FHOD3: variants seen among roughly 807,000 people sequenced by gnomAD.
The protein encoded by FHOD3 is formin homology 2 domain containing 3, also known as FH1/FH2 domain-containing protein 3.
Under a neutral mutation model 173.0 loss-of-function variants are expected in FHOD3, and 90 were observed. The ratio of observed to expected loss-of-function variants is 0.52; its 90% CI spans 0.44 to 0.62. The LOEUF (loss-of-function observed/expected upper bound fraction) is 0.62. Among genes scored for constraint, FHOD3 ranks in the 20% least tolerant of loss-of-function variants. The pLI, the probability that FHOD3 is intolerant of heterozygous loss-of-function variation, is 0.00. For missense variants in FHOD3, 1,945 were observed against 2,034.7 expected (o/e 0.96, Z 0.85); for synonymous variants, 828 against 823.0 (o/e 1.01, Z -0.10).
intron 5 of FHOD3, among the ~76,000 whole-genome samples, chr18:36,550,491 G>C (rs1428276057): frequency 6.6e-6 from 1 of 151,642 alleles, no homozygotes; most frequent in Non-Finnish European, 1.5e-5. Context: ...AAAAAAGCTT[G>C]CTTAGACTTT....
intron 3 of FHOD3, among the ~76,000 whole-genome samples, chr18:36,440,092 G>C (rs373322759): frequency 2.0e-5 from 3 of 152,318 alleles, no homozygotes; most frequent in Admixed American, 1.3e-4. Context: ...TAGGGATCCT[G>C]TTAAAATGTA....
intron 10 of FHOD3, among the ~76,000 whole-genome samples, chr18:36,626,411 C>G (rs1464238643): frequency 1.3e-5 from 2 of 152,086 alleles, no homozygotes; most frequent in Non-Finnish European, 2.9e-5. Context: ...ATTGGCAATC[C>G]TATGAGATAT....
intron 3 of FHOD3, among the ~76,000 whole-genome samples, chr18:36,441,679 C>T (rs1039302870): frequency 5.9e-5 from 9 of 152,186 alleles, no homozygotes; most frequent in Admixed American, 5.9e-4. Context: ...AGGGAAGCTT[C>T]GCACAAACAG....
chr18:36,680,410 G>A (rs1357573824), intron 14 of FHOD3, among the ~76,000 whole-genome samples: 1 of 152,126 alleles, frequency 6.6e-6, no homozygotes, highest in Admixed American at 6.6e-5. Context: ...TAAATAAATT[G>A]GCAAAATATA....
chr18:36,709,361 G>A lies in FHOD3; in HGVS notation c.2503G>A (p.Glu835Lys). Residue 835 changes from glutamate to lysine, a missense_variant, in exon 18 of 29, where the codon GAG becomes AAG. Around this residue, in one of 5 missense-constraint regions of FHOD3, gnomAD observed 1,099 missense variants for 1,051.2 expected, o/e 1.05. Coordinates refer to ENST00000590592, the MANE Select transcript of FHOD3 (RefSeq NM_001281740.3). ...CAGCACGTTGGAGAGGGAGGAGAAGGAGGACAAGCTCTCCAGGGACAGGAC... is the reference window on the plus strand; with the variant it reads ...CAGCACGTTGGAGAGGGAGGAGAAGAAGGACAAGCTCTCCAGGGACAGGAC... The part of the protein sequence containing the change: ...SSSTLEREEK[E>K]DKLSRDRTTG... The A allele has an allele frequency of 6.2e-7, 1 of 1,614,124 alleles. No homozygotes were observed. The highest frequency in any genetic ancestry group is 2.2e-5 in the East Asian group (1 of 44,882).
chr18:36,322,957 C>A (rs954238489), intron 1 of FHOD3, among the ~76,000 whole-genome samples: 1 of 152,236 alleles, frequency 6.6e-6, no homozygotes, highest in Non-Finnish European at 1.5e-5. Context: ...GGGTAACCCT[C>A]ATGGGTGCCC....
chr18:36,309,157 A>G (rs537230719), intron 1 of FHOD3, among the ~76,000 whole-genome samples: 6 of 152,126 alleles, frequency 3.9e-5, no homozygotes, highest in Non-Finnish European at 5.9e-5. Flanking sequence ...ACCAGGCCAG[A>G]CTTAAGGCCT....
chr18:36,448,368 A>G (rs1366710997), intron 3 of FHOD3, among the ~76,000 whole-genome samples: 1 of 152,284 alleles, frequency 6.6e-6, no homozygotes. Flanking sequence ...GGGACTTTGC[A>G]TTGTATTTTT....
chr18:36,652,671 C>T lies in FHOD3; in HGVS notation c.1388C>T (p.Pro463Leu), dbSNP rs761490260. The T allele has an allele frequency of 5.6e-5, 86 of 1,535,738 alleles. No individual in the cohort carries two copies. The South Asian group carries it at 7.1e-4, about 13-fold the overall frequency. ...AVSNASSQGK[P>L]LLVGTAGGTT... ...TCGAATGCCAGCTCGCAGGGAAAGC[C>T]GCTTCTGGTTGGCACTGCAGGCGGG... The change falls in exon 12 of 29, where the codon CCG (proline) becomes CTG (leucine). Residue 463 changes from proline (P) to leucine (L), a missense_variant. This residue lies in a region of FHOD3 where 1,099 missense variants were observed against 1,051.2 expected (regional missense o/e 1.05). Coordinates refer to ENST00000590592, the MANE Select transcript of FHOD3 (RefSeq NM_001281740.3).
chr18:36,602,063 C>G (rs1378297103), intron 7 of FHOD3, among the ~76,000 whole-genome samples: 2 of 152,222 alleles, frequency 1.3e-5, no homozygotes, highest in East Asian at 1.9e-4. Flanking sequence ...AGCCATTGCT[C>G]TGTACTGGTG....
At chr18:36,715,348 G>A (rs1022054394) in intron 18 of FHOD3, among the ~76,000 whole-genome samples, 2 of 152,316 alleles carry the variant, frequency 1.3e-5, no homozygotes, top group Non-Finnish European at 2.9e-5. Context: ...CCACGTAAAG[G>A]AGGACATGTT....
At chr18:36,485,601 C>T (rs1223490546) in intron 3 of FHOD3, among the ~76,000 whole-genome samples, 1 of 152,206 alleles carries the variant, frequency 6.6e-6, no homozygotes, top group East Asian at 1.9e-4. Flanking sequence ...GTGAGAAGAG[C>T]GCCCTTGGTG....
At chr18:36,495,470 C>T (rs2145884643) in intron 3 of FHOD3, among the ~76,000 whole-genome samples, 1 of 152,312 alleles carries the variant, frequency 6.6e-6, no homozygotes, top group Admixed American at 6.5e-5. Flanking sequence ...TCTGCGAACT[C>T]ACGAGAAAAG....
intron 3 of FHOD3, among the ~76,000 whole-genome samples, chr18:36,459,828 G>C (rs1395861675): frequency 6.6e-6 from 1 of 152,112 alleles, no homozygotes; most frequent in Non-Finnish European, 1.5e-5. Flanking sequence ...TATCTAGAGT[G>C]TCATACTTCA....
At chr18:36,395,809 G>C (rs1432833054) in intron 3 of FHOD3, among the ~76,000 whole-genome samples, 1 of 152,034 alleles carries the variant, frequency 6.6e-6, no homozygotes, top group African/African-American at 2.4e-5. Context: ...GCACATACTG[G>C]GTTTGCTATT....
At chr18:36,564,470 G>A (rs2058197287) in intron 5 of FHOD3, among the ~76,000 whole-genome samples, 1 of 152,176 alleles carries the variant, frequency 6.6e-6, no homozygotes, top group African/African-American at 2.4e-5. Context: ...CAGCCCAGCA[G>A]TAATGAAGCA....
intron 1 of FHOD3, among the ~76,000 whole-genome samples, chr18:36,352,344 G>T (rs2046169989): frequency 6.6e-6 from 1 of 151,926 alleles, no homozygotes; most frequent in African/African-American, 2.4e-5. Context: ...AAAAACAAAG[G>T]TTATAGACAT....
intron 6 of FHOD3, among the ~76,000 whole-genome samples, chr18:36,593,838 G>A (rs1252950816): frequency 6.6e-6 from 1 of 152,216 alleles, no homozygotes; most frequent in Non-Finnish European, 1.5e-5. Context: ...TGCCCATAGC[G>A]GGATGGGGCC....
At position 36,779,820 on chromosome 18, in the gene FHOD3, C is replaced by T. The variant is rs551308391; in HGVS notation, c.*290C>T. On this transcript the variant is annotated 3_prime_UTR_variant, in exon 29 of 29. Transcript: ENST00000590592. ...GACACCTTTTCTGGGCAAGGAACAG[C>T]CCCTTTAAGGAGCAAATCACTTCTG... 2.0e-6 allele frequency: 1 copy of T among 500,068 alleles called. No individual in the cohort carries two copies. The highest frequency in any genetic ancestry group is 3.1e-5 in the East Asian group (1 of 32,088). The allele number at this position is 500,068 out of a possible 1,614,324, so 31.0% of individuals were successfully genotyped here.
Sources: allele counts gnomAD v4.1 joint callset (sites outside exome capture counted in the v4.1 genomes callset), GRCh38; gene constraint gnomAD v4.1.1; regional missense constraint gnomAD v4.1.1; transcripts MANE v1.5; gene names NCBI Gene and HGNC (gene_info 2026-07-23, HGNC 2026-07-21).